The following MON2 variants were observed in gnomAD, a reference collection of about 807,000 sequenced individuals.
MON2 encodes the protein MON2 regulator of endosome-to-Golgi trafficking, also known as protein MON2 homolog.
In MON2, 84 loss-of-function variants were observed where a neutral mutation model predicts 208.6. That is an observed-to-expected ratio of 0.40 (90% CI 0.34 to 0.48). The LOEUF is 0.48. MON2 is among the 20% of genes least tolerant of loss of function. The pLI is 0.59. For synonymous variants in MON2, 660 were observed against 694.0 expected, an observed-to-expected ratio of 0.95 and a Z score of 0.77; for missense variants, 1,611 against 2,015.4, an observed-to-expected ratio of 0.80 and a Z score of 3.84.
intron 26 of MON2, among the ~76,000 whole-genome samples, chr12:62,563,858 A>G (rs7312435): frequency 0.049 from 7,386 of 152,184 alleles, 206 homozygotes; most frequent in Middle Eastern, 0.075. Context: ...GACATTGAAA[A>G]TAAAACAATT....
intron 25 of MON2, among the ~76,000 whole-genome samples, chr12:62,558,689 A>AT (rs35839265): frequency 0.08 from 11,003 of 138,032 alleles, 506 homozygotes; most frequent in African/African-American, 0.11. Flanking sequence ...TTATACCTCA[A>AT]TTTTTTTTTT....
At chr12:62,495,987 A>G (rs574485748) in intron 4 of MON2, among the ~76,000 whole-genome samples, 166 of 152,244 alleles carry the variant, frequency 1.1e-3, no homozygotes, top group Non-Finnish European at 2.0e-3. Context: ...TAAAGAACAG[A>G]AAGTAGAGAG....
At chr12:62,480,134 T>C (rs374501407) in intron 1 of MON2, among the ~76,000 whole-genome samples, 1 of 152,214 alleles carries the variant, frequency 6.6e-6, no homozygotes, top group African/African-American at 2.4e-5. Context: ...GAAACTTGTA[T>C]GTTAAAAATG....
chr12:62,502,477 T>A (rs2070893547), intron 7 of MON2, among the ~76,000 whole-genome samples: 1 of 152,054 alleles, frequency 6.6e-6, no homozygotes. Context: ...ATATAACAGT[T>A]TAGTGTTACA....
chr12:62,552,293 T>C (rs1412867971), intron 23 of MON2, among the ~76,000 whole-genome samples: 1 of 152,160 alleles, frequency 6.6e-6, no homozygotes, highest in Non-Finnish European at 1.5e-5. Context: ...AATGTAAGCA[T>C]GTTGCATATA....
At chr12:62,504,245 C>CTTTTTTTTTTT (rs71450586) in intron 7 of MON2, among the ~76,000 whole-genome samples, 4 of 118,598 alleles carry the variant, frequency 3.4e-5, no homozygotes, top group East Asian at 2.3e-4. Flanking sequence ...CTTTTCTTTT[C>CTTTTTTTTTTT]TTTTTTTTTT....
intron 2 of MON2, among the ~76,000 whole-genome samples, chr12:62,488,109 C>G (rs556286929): frequency 7.1e-4 from 108 of 152,120 alleles, no homozygotes; most frequent in Non-Finnish European, 1.3e-3. Context: ...GTATGTTTTT[C>G]TACCTCTCTT....
At chr12:62,573,862 A>G (rs1250182043) in intron 30 of MON2, among the ~76,000 whole-genome samples, 4 of 152,170 alleles carry the variant, frequency 2.6e-5, no homozygotes, top group Admixed American at 2.6e-4. Context: ...TTTTGTATCA[A>G]TGCAGTTGTA....
chr12:62,580,996 A>G (rs935261803), intron 32 of MON2, among the ~76,000 whole-genome samples: 5 of 152,214 alleles, frequency 3.3e-5, no homozygotes, highest in African/African-American at 1.2e-4. Context: ...TGTACAAGAT[A>G]CTATGCTAGA....
At chr12:62,529,692 A>G (rs1001444707) in intron 11 of MON2, among the ~76,000 whole-genome samples, 2 of 152,164 alleles carry the variant, frequency 1.3e-5, no homozygotes, top group African/African-American at 4.8e-5. Flanking sequence ...AAGAAACCTC[A>G]TACCCATTAG....
At chr12:62,583,455 A>C (rs2075077576) in intron 32 of MON2, among the ~76,000 whole-genome samples, 1 of 152,228 alleles carries the variant, frequency 6.6e-6, no homozygotes, top group African/African-American at 2.4e-5. Flanking sequence ...GAAAGAACAA[A>C]GAAAATCTAG....
At chr12:62,549,981 A>G in intron 23 of MON2, 151 bp downstream of exon 23, 1 of 497,552 alleles carries the variant, frequency 2.0e-6, no homozygotes, top group Non-Finnish European at 3.5e-6. Flanking sequence ...AGGATTAAAT[A>G]ACATCACTTA....
chr12:62,515,977 T>A (rs73141028), intron 8 of MON2, among the ~76,000 whole-genome samples: 5,641 of 152,330 alleles, frequency 0.037, 155 homozygotes, highest in Middle Eastern at 0.061. Context: ...CCCATGTTTA[T>A]TGCAGCACTA....
chr12:62,543,032 T>C, intron 19 of MON2, 65 bp from the exon 20 acceptor site: 3 of 845,874 alleles, frequency 3.5e-6, no homozygotes, highest in Non-Finnish European at 5.6e-6. Context: ...TTCTCAGTTT[T>C]ATTCATAGTC....
chr12:62,557,521 T>A (rs1037348373), intron 25 of MON2, among the ~76,000 whole-genome samples: 2 of 152,200 alleles, frequency 1.3e-5, no homozygotes, highest in East Asian at 3.8e-4. Context: ...CTACTTTCAA[T>A]TCTGGTGGTA....
At chr12:62,574,408 G>T (rs535874374) in intron 30 of MON2, among the ~76,000 whole-genome samples, 5 of 151,888 alleles carry the variant, frequency 3.3e-5, no homozygotes, top group Non-Finnish European at 7.4e-5. Flanking sequence ...ACAGTGTCTC[G>T]CTCTGTCACC....
intron 14 of MON2, among the ~76,000 whole-genome samples, chr12:62,535,922 A>G (rs2072945585): frequency 6.6e-6 from 1 of 151,890 alleles, no homozygotes; most frequent in East Asian, 1.9e-4. Context: ...AAAATGCTGC[A>G]AAATCTAAAA....
intron 25 of MON2, among the ~76,000 whole-genome samples, chr12:62,558,965 A>G (rs1177904157): frequency 1.3e-5 from 2 of 152,112 alleles, no homozygotes; most frequent in Admixed American, 1.3e-4. Flanking sequence ...TCCAAAGTGC[A>G]GGGATTACAG....
At chr12:62,519,701 T>C (rs1184893929) in intron 8 of MON2, among the ~76,000 whole-genome samples, 2 of 152,256 alleles carry the variant, frequency 1.3e-5, no homozygotes, top group African/African-American at 2.4e-5. Flanking sequence ...CACATAACGA[T>C]GAAAATCTGG....
Sources: allele counts gnomAD v4.1 joint callset (sites outside exome capture counted in the v4.1 genomes callset), GRCh38; gene constraint gnomAD v4.1.1; transcripts MANE v1.5; gene names NCBI Gene and HGNC (gene_info 2026-07-23, HGNC 2026-07-21).